Variants in DST observed in about 807,000 individuals in gnomAD.
DST encodes bullous pemphigoid antigen.
Under a neutral mutation model 875.2 loss-of-function variants are expected in DST, and 253 were observed. The observed-to-expected ratio is 0.29, with a 90% CI of 0.26 to 0.32. DST has a LOEUF of 0.32. Among genes scored for constraint, DST ranks in the 10% least tolerant of loss-of-function variants. The probability of loss-of-function intolerance (pLI) is 1.00; values close to 1 mark genes in which losing one functional copy is unlikely to be tolerated. For missense variants in DST, 8,287 were observed against 9,111.6 expected, an observed-to-expected ratio of 0.91 and a Z score of 3.68; for synonymous variants, 3,124 against 3,197.1, an observed-to-expected ratio of 0.98 and a Z score of 0.77.
chr6:56,645,733 A>G, intron 15 of DST, 133 bp downstream of exon 15: 1 of 1,068,956 alleles, frequency 9.4e-7, no homozygotes, highest in East Asian at 2.4e-5. Context: ...TCTAGGTAAG[A>G]AAATGGAGGA....
chr6:56,765,663 G>C (rs528933153), intron 4 of DST, among the ~76,000 whole-genome samples: 2 of 152,318 alleles, frequency 1.3e-5, no homozygotes, highest in Admixed American at 6.5e-5. Flanking sequence ...GAATGGTGAA[G>C]TATGAGTTAT....
In DST at chr6:56,487,280, A is replaced by AT. The variant is rs764181267; in HGVS notation, c.20878-8dup. ...CGAGTGATTTCTGAAACTCCTAAAT[A>AT]TTTAACAAGAAAAAAATGCGAATTT... is the stretch of plus-strand genomic sequence containing the variant. On this transcript the variant is annotated splice_region_variant and splice_polypyrimidine_tract_variant and intron_variant, in intron 86 of 103. Transcript: ENST00000680361. 7.2e-6 allele frequency: 11 copies of AT among 1,532,542 alleles called. No homozygotes were observed. Among genetic ancestry groups the AT allele is most frequent in the Non-Finnish European group, 9.7e-6 (11 of 1,139,644 alleles). 94.9% of individuals were successfully genotyped at this position (1,532,542 alleles called of 1,614,324 possible).
At chr6:56,616,911 C>T in intron 36 of DST, 1 of 1,610,272 alleles carries the variant, frequency 6.2e-7, no homozygotes. Flanking sequence ...TATGTCTGAC[C>T]TGAAATGGGA....
Position 56,604,696 on chromosome 6 carries a change from TAGTC to T in DST, c.9928_9931del (p.Asp3310IlefsTer4). 1 of 1,611,922 alleles carries T rather than the reference TAGTC, an allele frequency of 6.2e-7. No homozygotes were observed. Among genetic ancestry groups the T allele is most frequent in the Non-Finnish European group, 8.5e-7 (1 of 1,178,690 alleles). On this transcript the variant is annotated frameshift_variant, in exon 40 of 104. Coordinates refer to ENST00000680361, the MANE Select transcript of DST (RefSeq NM_001374736.1). LOFTEE classifies it high-confidence loss of function. ...CTTATTATTAATTTCTAAGAATGAA[TAGTC>T]AGTATTTAAAGTGTTACTGGAGTTA... is the stretch of plus-strand genomic sequence containing the variant.
chr6:56,779,779 G>C (rs1436212418), intron 4 of DST, among the ~76,000 whole-genome samples: 4 of 149,690 alleles, frequency 2.7e-5, no homozygotes, highest in Non-Finnish European at 5.9e-5. Flanking sequence ...CAATATGCAG[G>C]TTAGTTACAT....
intron 90 of DST, among the ~76,000 whole-genome samples, chr6:56,477,776 T>C (rs1403728737): frequency 6.6e-6 from 1 of 152,190 alleles, no homozygotes; most frequent in Non-Finnish European, 1.5e-5. Context: ...GTCCCTGATA[T>C]AAAATGATGT....
intron 3 of DST, among the ~76,000 whole-genome samples, chr6:56,856,584 A>G (rs1767963523): frequency 6.6e-6 from 1 of 152,254 alleles, no homozygotes; most frequent in South Asian, 2.1e-4. Flanking sequence ...GGTCAATGAC[A>G]TGAAACATAC....
intron 4 of DST, among the ~76,000 whole-genome samples, chr6:56,848,676 C>A (rs1219170697): frequency 6.6e-6 from 1 of 152,148 alleles, no homozygotes; most frequent in Non-Finnish European, 1.5e-5. Flanking sequence ...CCAAGTCTAT[C>A]CTCCATGTAT....
Position 56,625,154 on chromosome 6 carries a change from T to C in DST, c.4830+3A>G. ...TCCCCTCTTTCTCTCATACTTTTAT[T>C]ACCTCTTGAATAATGAGATCTGCTG... On this transcript the variant is annotated splice_donor_region_variant and intron_variant, in intron 35 of 103. Transcript: ENST00000680361. 1 of 1,597,928 alleles carries C rather than the reference T, an allele frequency of 6.3e-7. No homozygotes were observed. The highest frequency in any genetic ancestry group is 8.6e-7 in the Non-Finnish European group (1 of 1,165,348).
chr6:56,887,126 T>C (rs1457966920), intron 3 of DST, among the ~76,000 whole-genome samples: 8 of 152,220 alleles, frequency 5.3e-5, no homozygotes, highest in African/African-American at 1.9e-4. Context: ...TGCTGCTAAT[T>C]AGCACTATTT....
At chr6:56,469,762 A>G in intron 97 of DST, 121 bp downstream of exon 97, 1 of 827,040 alleles carries the variant, frequency 1.2e-6, no homozygotes, top group Non-Finnish European at 2.0e-6. Flanking sequence ...ATACCATTAA[A>G]TTTTGACATG....
chr6:56,463,859 G>A (rs1282300593), intron 100 of DST, 95 bp from the exon 101 acceptor site: 4 of 1,251,838 alleles, frequency 3.2e-6, no homozygotes. Context: ...TGGCACCAGA[G>A]ATCACGTTGA....
intron 41 of DST, 66 bp downstream of exon 41, chr6:56,603,498 T>C (rs1339679516): frequency 6.3e-7 from 1 of 1,588,520 alleles, no homozygotes. Flanking sequence ...AGAAGTGTTC[T>C]GCTTCTTTTT....
intron 2 of DST, among the ~76,000 whole-genome samples, chr6:56,945,181 T>C (rs1436121441): frequency 2.0e-5 from 3 of 152,234 alleles, no homozygotes; most frequent in African/African-American, 7.2e-5. Context: ...CCATAACTTA[T>C]AGAAGTTTTA....
intron 4 of DST, among the ~76,000 whole-genome samples, chr6:56,849,072 A>G (rs1763593244): frequency 6.6e-6 from 1 of 150,920 alleles, no homozygotes; most frequent in African/African-American, 2.4e-5. Context: ...AAATTAAATC[A>G]TATGCTTCCC....
chr6:56,654,163 A>G (rs1262553880), intron 10 of DST, among the ~76,000 whole-genome samples: 3 of 152,188 alleles, frequency 2.0e-5, no homozygotes, highest in Middle Eastern at 3.2e-3. Context: ...ACTTAAAGTA[A>G]TAAATGCTAG....
intron 4 of DST, among the ~76,000 whole-genome samples, chr6:56,815,971 C>T (rs2099766013): frequency 6.6e-6 from 1 of 152,104 alleles, no homozygotes; most frequent in Non-Finnish European, 1.5e-5. Flanking sequence ...AGATCATGGT[C>T]TCATTCCCTG....
At chr6:56,568,253 TAC>T (rs2097716230) in intron 55 of DST, among the ~76,000 whole-genome samples, 1 of 152,252 alleles carries the variant, frequency 6.6e-6, no homozygotes, top group Non-Finnish European at 1.5e-5. Flanking sequence ...ACATTTTAAA[TAC>T]AGTCTAATAA....
intron 87 of DST, among the ~76,000 whole-genome samples, chr6:56,486,352 G>A (rs2152429642): frequency 9.4e-6 from 1 of 106,094 alleles, no homozygotes; most frequent in Non-Finnish European, 1.7e-5. Context: ...GACAGAGCGA[G>A]ACTCCGTCTC....
Sources: gnomAD v4.1 joint callset for allele counts (sites outside exome capture counted in the v4.1 genomes callset) on GRCh38, gnomAD v4.1.1 for gene constraint, MANE v1.5 for transcripts, NCBI Gene and HGNC (gene_info 2026-07-23, HGNC 2026-07-21) for gene names.